Variants in PSME3 observed in about 807,000 individuals in gnomAD.
The protein encoded by PSME3 is proteasome activator subunit 3.
PSME3 carries 7 observed loss-of-function variants against 38.3 expected under a neutral mutation model. The ratio of observed to expected loss-of-function variants is 0.18; its 90% confidence interval spans 0.10 to 0.34. The LOEUF (loss-of-function observed/expected upper bound fraction) is 0.34. PSME3 is among the 10% of genes least tolerant of loss of function. The pLI is 1.00. For missense variants in PSME3, 192 were observed against 307.6 expected, an observed-to-expected ratio of 0.62 and a Z score of 2.81; for synonymous variants, 108 against 105.7, an observed-to-expected ratio of 1.02 and a Z score of -0.13.
intron 10 of PSME3, among the ~76,000 whole-genome samples, chr17:42,840,404 T>C (rs537466350): frequency 6.6e-6 from 1 of 152,032 alleles, no homozygotes; most frequent in African/African-American, 2.4e-5. Context: ...TCAGGAGTTT[T>C]TGACCAGCCT....
At position 42,841,603 on chromosome 17, in the gene PSME3, C is replaced by T. The variant is rs920373379; in HGVS notation, c.*25C>T. ...AGGCCAGGGCCAGGGCCAGGGGACT[C>T]TGTGAGTCTGGCTCAAGACCGACAT... On this transcript the variant is annotated 3_prime_UTR_variant, in exon 11 of 11. Coordinates refer to ENST00000590720, the MANE Select transcript of PSME3 (RefSeq NM_005789.4). 2.6e-6 allele frequency: 4 copies of T among 1,515,546 alleles called. No individual in the cohort carries two copies. The Admixed American group carries it at 6.0e-5, about 23-fold the overall frequency. The allele number at this position is 1,515,546 out of a possible 1,614,324, so 93.9% of individuals were successfully genotyped here.
In PSME3 at chr17:42,833,800, C is replaced by T. The variant is rs751646583; in HGVS notation, c.42+127C>T. 3.8e-6 allele frequency: 6 copies of T among 1,589,214 alleles called. No individual in the cohort carries two copies. The East Asian group carries it at 1.4e-4, about 36-fold the overall frequency. ...GCTCTGAGCTTCCGCTCGGCTCAGC[C>T]CAGCCCCCAACTCCCGGGGTCGGCT... On this transcript the variant is annotated intron_variant, in intron 1 of 10. Transcript: ENST00000590720.
In PSME3 at chr17:42,841,666, C is replaced by T; in HGVS notation, c.*88C>T. Reference sequence around the variant, plus strand: ...TTACATGACTATCGTGATGGGGAAACTGGCTGGAAATAGTAATCACACCTC... The same window carrying T: ...TTACATGACTATCGTGATGGGGAAATTGGCTGGAAATAGTAATCACACCTC... On this transcript the variant is annotated 3_prime_UTR_variant, in exon 11 of 11. Coordinates refer to ENST00000590720, the MANE Select transcript of PSME3 (RefSeq NM_005789.4). The T allele has an allele frequency of 2.3e-6, 2 of 872,912 alleles. No homozygotes were observed. The highest frequency in any genetic ancestry group is 3.4e-6 in the Non-Finnish European group (2 of 582,612). The allele number at this position is 872,912 out of a possible 1,614,324, so 54.1% of individuals were successfully genotyped here.
chr17:42,841,489 T>C lies in PSME3; in HGVS notation c.685-9T>C. ...AGATATGTGATTCCCCTGATCCCTC[T>C]TCTCTCAGGTCACTCTACATGACAT... is the stretch of plus-strand genomic sequence containing the variant. On this transcript the variant is annotated splice_polypyrimidine_tract_variant and intron_variant, in intron 10 of 10. Transcript: ENST00000590720. 6.3e-7 allele frequency: 1 copy of C among 1,576,986 alleles called. No homozygotes were observed. Among genetic ancestry groups the C allele is most frequent in the Admixed American group, 1.7e-5 (1 of 57,758 alleles).
chr17:42,833,796 C>A, intron 1 of PSME3, 123 bp downstream of exon 1: 1 of 1,591,424 alleles, frequency 6.3e-7, no homozygotes, highest in South Asian at 1.1e-5. Flanking sequence ...CCGCTCGGCT[C>A]AGCCCAGCCC....
chr17:42,837,949 T>C (rs1477962477), intron 5 of PSME3, 144 bp from the exon 6 acceptor site: 1 of 933,450 alleles, frequency 1.1e-6, no homozygotes, highest in Non-Finnish European at 1.7e-6. Context: ...TACATTCTCG[T>C]TGATTCTAAT....
At chr17:42,835,199 A>G (rs915633232) in intron 4 of PSME3, among the ~76,000 whole-genome samples, 1 of 151,010 alleles carries the variant, frequency 6.6e-6, no homozygotes, top group Non-Finnish European at 1.5e-5. Flanking sequence ...CACCATGCCC[A>G]CTGATTTTTG....
chr17:42,836,185 A>G (rs1268246467), intron 4 of PSME3, among the ~76,000 whole-genome samples: 2 of 151,610 alleles, frequency 1.3e-5, no homozygotes, highest in Non-Finnish European at 2.9e-5. Flanking sequence ...TTTTATTTTT[A>G]GTGGAGACAG....
At chr17:42,841,132 CAAA>C (rs35142424) in intron 10 of PSME3, among the ~76,000 whole-genome samples, 4 of 63,760 alleles carry the variant, frequency 6.3e-5, no homozygotes, top group African/African-American at 1.0e-4. Context: ...GACCGTGTCT[CAAA>C]AAAAAAAAAA....
chr17:42,833,607 G>A lies in PSME3; in HGVS notation c.-25G>A, dbSNP rs914611112. The A allele has an allele frequency of 6.2e-7, 1 of 1,614,036 alleles. No individual in the cohort carries two copies. Among genetic ancestry groups the A allele is most frequent in the Admixed American group, 1.7e-5 (1 of 60,012 alleles). ...GTCCACAGCGCCTCCGGTGTCCAGA[G>A]GATCGGACACGGCCCGGCCCGGCCA... On this transcript the variant is annotated 5_prime_UTR_variant, in exon 1 of 11. Transcript: ENST00000590720.
chr17:42,834,304 C>G (rs2055435434), intron 1 of PSME3, 40 bp from the exon 2 acceptor site: 1 of 1,613,694 alleles, frequency 6.2e-7, no homozygotes, highest in African/African-American at 1.3e-5. Context: ...GCTCTTACCT[C>G]TGTCCCCAGG....
rs1167771099 is a variant in PSME3, at chr17:42,839,394, G to A, written c.684+14G>A. On this transcript the variant is annotated intron_variant, in intron 10 of 10. Coordinates refer to ENST00000590720, the MANE Select transcript of PSME3 (RefSeq NM_005789.4). ...AGGAATCAATATGTGAGTAATCTCA[G>A]TCCTTGTCCATAGTTGCTGTGGCTT... 9 of 1,577,320 alleles carry A rather than the reference G, an allele frequency of 5.7e-6. No individual in the cohort carries two copies. Among genetic ancestry groups the A allele is most frequent in the South Asian group, 1.1e-5 (1 of 90,168 alleles).
In PSME3 at chr17:42,834,285, C is replaced by G. The variant is rs1476514265; in HGVS notation, c.43-59C>G. On this transcript the variant is annotated intron_variant, in intron 1 of 10. Coordinates refer to ENST00000590720, the MANE Select transcript of PSME3 (RefSeq NM_005789.4). The stretch of plus-strand genomic sequence containing the variant: ...AGGGAAAGACAGTTGGATTGGGATT[C>G]TCCATCCTGCTCTTACCTCTGTCCC... 1.9e-6 allele frequency: 3 copies of G among 1,611,808 alleles called. No homozygotes were observed. In the African/African-American group the frequency reaches 4.0e-5, roughly 22 times the overall value.
At chr17:42,838,257 G>C in intron 6 of PSME3, 52 bp downstream of exon 6, 1 of 1,607,870 alleles carries the variant, frequency 6.2e-7, no homozygotes, top group Non-Finnish European at 8.5e-7. Context: ...CCCACCTGAA[G>C]TGCAAAAAAC....
chr17:42,833,952 C>G, intron 1 of PSME3: 1 of 1,439,698 alleles, frequency 6.9e-7, no homozygotes, highest in Non-Finnish European at 9.1e-7. Flanking sequence ...AATCCCCCAG[C>G]CCAACAACGT....
In PSME3 at chr17:42,842,682, A is replaced by G. The variant is rs1172085521; in HGVS notation, c.*1104A>G. The G allele has an allele frequency of 6.5e-6, 1 of 152,840 alleles. No homozygotes were observed. The highest frequency in any genetic ancestry group is 1.9e-4 in the East Asian group (1 of 5,338). The allele number at this position is 152,840 out of a possible 1,614,324, so 9.5% of individuals were successfully genotyped here. ...TGTGTATGTGCATGCACACACGTGCATATACACATTTGTGTATGTGGAAAT... is the reference window on the plus strand; with the variant it reads ...TGTGTATGTGCATGCACACACGTGCGTATACACATTTGTGTATGTGGAAAT... On this transcript the variant is annotated 3_prime_UTR_variant, in exon 11 of 11. Transcript: ENST00000590720.
At chr17:42,833,927 C>T in intron 1 of PSME3, 1 of 1,441,764 alleles carries the variant, frequency 6.9e-7, no homozygotes, top group Non-Finnish European at 9.1e-7. Context: ...GGGCTTTAGG[C>T]CCGTGACAGC....
chr17:42,840,501 G>T (rs1003005403), intron 10 of PSME3, among the ~76,000 whole-genome samples: 1 of 145,734 alleles, frequency 6.9e-6, no homozygotes, highest in Non-Finnish European at 1.5e-5. Context: ...CCACCTAATC[G>T]GGAGGCTGAG....
chr17:42,839,400 G>C lies in PSME3; in HGVS notation c.684+20G>C, dbSNP rs770934718. 6.4e-7 allele frequency: 1 copy of C among 1,560,820 alleles called. No homozygotes were observed. Among genetic ancestry groups the C allele is most frequent in the East Asian group, 2.2e-5 (1 of 44,612 alleles). On this transcript the variant is annotated intron_variant, in intron 10 of 10. Transcript: ENST00000590720. Reference sequence around the variant, plus strand: ...CAATATGTGAGTAATCTCAGTCCTTGTCCATAGTTGCTGTGGCTTCTCTTA... The same window carrying C: ...CAATATGTGAGTAATCTCAGTCCTTCTCCATAGTTGCTGTGGCTTCTCTTA...
Sources: gnomAD v4.1 joint callset for allele counts (sites outside exome capture counted in the v4.1 genomes callset) on GRCh38, gnomAD v4.1.1 for gene constraint, MANE v1.5 for transcripts, NCBI Gene and HGNC (gene_info 2026-07-23, HGNC 2026-07-21) for gene names.